The following CACNA1D variants were observed in gnomAD, a reference collection of about 807,000 sequenced individuals.
CACNA1D encodes the protein voltage-dependent L-type calcium channel subunit alpha-1D.
A neutral mutation model predicts 257.1 loss-of-function variants in CACNA1D; 55 were observed. The ratio of observed to expected loss-of-function variants is 0.21; its 90% CI spans 0.17 to 0.27. CACNA1D has a LOEUF of 0.27. Among genes scored for constraint, CACNA1D ranks in the 10% least tolerant of loss-of-function variants. CACNA1D has a pLI of 1.00. For synonymous variants in CACNA1D, 980 were observed against 1,014.9 expected, an observed-to-expected ratio of 0.97 and a Z score of 0.65; for missense variants, 1,876 against 2,784.0, an observed-to-expected ratio of 0.67 and a Z score of 7.34.
intron 2 of CACNA1D, among the ~76,000 whole-genome samples, chr3:53,500,253 T>TAAAAA (rs55823212): frequency 3.4e-4 from 14 of 40,938 alleles, no homozygotes; most frequent in South Asian, 1.8e-3. Context: ...CTGTCTCTAC[T>TAAAAA]AAAAAAAAAA....
chr3:53,800,958 G>A lies in CACNA1D; in HGVS notation c.5041-100G>A. ...GTTTTACAGGGATCCTACGGAGCTTGCCTAGAATTTGTTTTTCATGTAGAA... is the reference window on the plus strand; with the variant it reads ...GTTTTACAGGGATCCTACGGAGCTTACCTAGAATTTGTTTTTCATGTAGAA... On this transcript the variant is annotated intron_variant, in intron 41 of 47. Coordinates refer to ENST00000350061, the MANE Select transcript of CACNA1D (RefSeq NM_001128840.3). The surrounding 1 kb of genome is among the most constrained non-coding windows in gnomAD (Gnocchi z 4.3). The A allele has an allele frequency of 1.8e-6, 2 of 1,141,196 alleles. No homozygotes were observed. Among genetic ancestry groups the A allele is most frequent in the Non-Finnish European group, 2.6e-6 (2 of 756,314 alleles). 70.7% of individuals were successfully genotyped at this position (1,141,196 alleles called of 1,614,324 possible). A position where few individuals can be genotyped will look rare whatever the true frequency, so the allele number is the denominator to read the frequency against.
chr3:53,650,483 C>G (rs1261269773), intron 3 of CACNA1D, among the ~76,000 whole-genome samples: 1 of 152,222 alleles, frequency 6.6e-6, no homozygotes, highest in Non-Finnish European at 1.5e-5. Flanking sequence ...ACAAACATGC[C>G]TGTTATGTCC....
At chr3:53,685,737 A>G (rs2094468683) in intron 8 of CACNA1D, among the ~76,000 whole-genome samples, 1 of 152,136 alleles carries the variant, frequency 6.6e-6, no homozygotes, top group Admixed American at 6.5e-5. Context: ...ATTAGAAAAT[A>G]CTTTGAAACT....
In CACNA1D at chr3:53,723,429, TC is replaced by T. The variant is rs1327950169; in HGVS notation, c.1667-3del. 9 of 1,612,616 alleles carry T rather than the reference TC, an allele frequency of 5.6e-6. No homozygotes were observed. The highest frequency in any genetic ancestry group is 7.6e-6 in the Non-Finnish European group (9 of 1,178,654). On this transcript the variant is annotated splice_region_variant and splice_polypyrimidine_tract_variant and intron_variant, in intron 12 of 47. Transcript: ENST00000350061. This position sits in a 1 kb window ranked among gnomAD's most constrained non-coding sequence, Gnocchi z 5.6. ...CTGAGGATGGGTGCCCCTTTGTCTT[TC>T]CAGATATTGCCAACAAAGTCCTCTT...
intron 3 of CACNA1D, among the ~76,000 whole-genome samples, chr3:53,632,467 T>G (rs369972179): frequency 3.9e-5 from 6 of 152,244 alleles, no homozygotes; most frequent in African/African-American, 1.2e-4. Flanking sequence ...GTGTTTCACT[T>G]TCTTATCATC....
At chr3:53,643,583 G>A (rs1266724928) in intron 3 of CACNA1D, among the ~76,000 whole-genome samples, 2 of 152,184 alleles carry the variant, frequency 1.3e-5, no homozygotes, top group South Asian at 2.1e-4. Context: ...CCCTCACAGA[G>A]CCTCCCTGTG....
At chr3:53,792,138 C>T (rs1002715057) in intron 40 of CACNA1D, 2 of 152,236 alleles carry the variant, frequency 1.3e-5, no homozygotes, top group African/African-American at 2.4e-5. Flanking sequence ...CTGTACCATA[C>T]TTACCCATTG....
At chr3:53,792,120 TTTCTG>T in intron 40 of CACNA1D, 1 of 152,338 alleles carries the variant, frequency 6.6e-6, no homozygotes, top group South Asian at 2.1e-4. Flanking sequence ...TTTGATCTCT[TTTCTG>T]TTCTGTACCA....
intron 3 of CACNA1D, among the ~76,000 whole-genome samples, chr3:53,555,885 G>A (rs1439880333): frequency 6.6e-6 from 1 of 152,122 alleles, no homozygotes; most frequent in Admixed American, 6.5e-5. Context: ...AGTTCTGTGA[G>A]CTTTAACATA....
intron 3 of CACNA1D, among the ~76,000 whole-genome samples, chr3:53,580,773 T>C (rs1431701047): frequency 6.6e-6 from 1 of 152,254 alleles, no homozygotes; most frequent in Non-Finnish European, 1.5e-5. Flanking sequence ...CTTTCTTAAA[T>C]TGCAGAAGTT....
At chr3:53,759,505 G>A (rs946111865) in intron 29 of CACNA1D, among the ~76,000 whole-genome samples, 3 of 152,234 alleles carry the variant, frequency 2.0e-5, no homozygotes, top group African/African-American at 7.2e-5. Context: ...AAGGGCGAAC[G>A]CTGGGTCTCC....
At chr3:53,558,583 C>A (rs1243998548) in intron 3 of CACNA1D, among the ~76,000 whole-genome samples, 1 of 152,010 alleles carries the variant, frequency 6.6e-6, no homozygotes, top group African/African-American at 2.4e-5. Context: ...AGTTTTCATC[C>A]CTCTGAGATT....
chr3:53,722,349 G>A lies in CACNA1D; in HGVS notation c.1541G>A (p.Arg514Lys). ...CGTCGCTGGAACCGATTCAATCGCA[G>A]AAGATGTAGGGCCGCCGTGAAGTCT... ...RWRRWNRFNR[R>K]RCRAAVKSVT... Residue 514 changes from arginine (R) to lysine (K), a missense_variant, in exon 12 of 48, where the codon AGA becomes AAA. By Grantham distance (26) the Arg-to-Lys change is conservative (BLOSUM62 2). Around this residue, in one of 10 missense-constraint regions of CACNA1D, gnomAD observed 257 missense variants for 399.7 expected, o/e 0.64. Coordinates refer to ENST00000350061, the MANE Select transcript of CACNA1D (RefSeq NM_001128840.3). 1 of 1,614,246 alleles carries A rather than the reference G, an allele frequency of 6.2e-7. No individual in the cohort carries two copies. Among genetic ancestry groups the A allele is most frequent in the Non-Finnish European group, 8.5e-7 (1 of 1,180,042 alleles).
At chr3:53,506,412 A>C (rs1039215241) in intron 3 of CACNA1D, among the ~76,000 whole-genome samples, 2 of 152,130 alleles carry the variant, frequency 1.3e-5, no homozygotes, top group Non-Finnish European at 2.9e-5. Flanking sequence ...GTGGGGTCTG[A>C]CAGCCTGACT....
intron 26 of CACNA1D, 151 bp downstream of exon 26, chr3:53,747,599 G>T: frequency 1.3e-6 from 1 of 784,842 alleles, no homozygotes; most frequent in Admixed American, 2.0e-5. Flanking sequence ...GTCACTTCTT[G>T]ACCCACAGGG....
chr3:53,684,657 C>T (rs1001186526), intron 8 of CACNA1D, among the ~76,000 whole-genome samples: 15 of 140,736 alleles, frequency 1.1e-4, no homozygotes, highest in African/African-American at 3.4e-4. Flanking sequence ...ATCAAAATGG[C>T]AAACAAAGAT....
intron 29 of CACNA1D, among the ~76,000 whole-genome samples, chr3:53,759,282 T>C (rs1347970912): frequency 6.6e-6 from 1 of 152,222 alleles, no homozygotes; most frequent in Non-Finnish European, 1.5e-5. Context: ...GAATATCTTA[T>C]AGGCTGATGG....
At chr3:53,757,892 G>C (rs1293034260) in intron 29 of CACNA1D, among the ~76,000 whole-genome samples, 1 of 152,166 alleles carries the variant, frequency 6.6e-6, no homozygotes, top group Non-Finnish European at 1.5e-5. Context: ...GCATCCGTTG[G>C]GGGCCTACTA....
At chr3:53,650,479 A>G (rs1487852427) in intron 3 of CACNA1D, among the ~76,000 whole-genome samples, 1 of 152,246 alleles carries the variant, frequency 6.6e-6, no homozygotes, top group Non-Finnish European at 1.5e-5. Context: ...AATAACAAAC[A>G]TGCCTGTTAT....
Sources: gnomAD v4.1 joint callset for allele counts (sites outside exome capture counted in the v4.1 genomes callset) on GRCh38, gnomAD v4.1.1 for gene constraint, gnomAD v4.1.1 regional missense constraint, Gnocchi (gnomAD v3.1) non-coding constraint, MANE v1.5 for transcripts, NCBI Gene and HGNC (gene_info 2026-07-23, HGNC 2026-07-21) for gene names.